Variants in LYG2 observed in about 807,000 individuals in gnomAD.
LYG2 encodes the protein lysozyme g-like protein 2.
LYG2 carries 25 observed loss-of-function variants against 22.4 expected under a neutral mutation model. The ratio of observed to expected loss-of-function variants is 1.12; its 90% confidence interval spans 0.81 to 1.56. The LOEUF is 1.56. Ranked by LOEUF, LYG2 falls within the 40% of genes most tolerant of loss-of-function variation. The pLI is 0.00. For synonymous variants in LYG2, 88 were observed against 97.0 expected (o/e 0.91, Z 0.55); for missense variants, 266 against 269.5 (o/e 0.99, Z 0.09).
chr2:99,247,697 A>G (rs2094018678), intron 3 of LYG2, among the ~76,000 whole-genome samples: 1 of 152,150 alleles, frequency 6.6e-6, no homozygotes, highest in South Asian at 2.1e-4. Context: ...ATCTAGATTA[A>G]CAATTTGCCT....
At chr2:99,249,401 C>T (rs894397681) in intron 3 of LYG2, among the ~76,000 whole-genome samples, 3 of 133,200 alleles carry the variant, frequency 2.3e-5, no homozygotes, top group Non-Finnish European at 4.8e-5. Context: ...GCCTGGGCAA[C>T]AGAACAAGAC....
intron 6 of LYG2, chr2:99,243,617 C>T (rs2094010465): frequency 1.1e-6 from 1 of 950,560 alleles, no homozygotes; most frequent in Non-Finnish European, 1.5e-6. Context: ...CTCACTGCAG[C>T]CTTAACCTCC....
chr2:99,244,061 G>C lies in LYG2; in HGVS notation c.458C>G (p.Thr153Arg). 1.2e-6 allele frequency: 2 copies of C among 1,614,060 alleles called. No homozygotes were observed. Residue 153 changes from threonine (T) to arginine (R), a missense_variant, in exon 6 of 7, where the codon ACA becomes AGA. By Grantham distance (71) the Thr-to-Arg change is moderately conservative (BLOSUM62 -1). Transcript: ENST00000333017. Reference protein sequence around the residue: ...EHLSQATGILTERIKAIQKKF... With the variant: ...EHLSQATGILRERIKAIQKKF... ...TTTCTGGATTGCCTTAATTCTCTCT[G>C]TTAGAATCCCAGTAGCCTGTGAAAG... is the stretch of plus-strand genomic sequence containing the variant.
chr2:99,246,665 C>G lies in LYG2; in HGVS notation c.184+15G>C. 1 of 1,604,084 alleles carries G rather than the reference C, an allele frequency of 6.2e-7. No individual in the cohort carries two copies. The highest frequency in any genetic ancestry group is 1.1e-5 in the South Asian group (1 of 88,288). ...GAAAGGGGGAAGCCAGTCATTTGCTCTGCTTTTCACTTACCGCAGTTCATC... is the reference window on the plus strand; with the variant it reads ...GAAAGGGGGAAGCCAGTCATTTGCTGTGCTTTTCACTTACCGCAGTTCATC... On this transcript the variant is annotated intron_variant, in intron 4 of 6. Coordinates refer to ENST00000333017, the MANE Select transcript of LYG2 (RefSeq NM_175735.4).
At chr2:99,261,516 C>T in the LYG2 span, among the ~76,000 whole-genome samples, 3 of 152,182 alleles carry the variant, frequency 2.0e-5, no homozygotes, top group African/African-American at 7.2e-5. Context: ...GTGGACCTCT[C>T]CAACTCATTC....
chr2:99,244,767 A>G (rs1401989915), intron 5 of LYG2, among the ~76,000 whole-genome samples: 1 of 152,204 alleles, frequency 6.6e-6, no homozygotes, highest in Non-Finnish European at 1.5e-5. Context: ...CTAATAATGA[A>G]TAAGCCTTGA....
rs2094016686 is a variant in LYG2 at position 99,246,760 on chromosome 2, A to C, written c.104T>G (p.Leu35Arg). ...HSMKPHLHPR[L>R]YHGCYGDIMT... ...GATGTCCCCATAGCAGCCGTGGTAC[A>C]GGCGTGGATGTAGGTGAGGCTTCAT... is the stretch of plus-strand genomic sequence containing the variant. The change falls in exon 4 of 7, where the codon CTG becomes CGG. Residue 35 changes from leucine (L) to arginine (R), a missense_variant. Coordinates refer to ENST00000333017, the MANE Select transcript of LYG2 (RefSeq NM_175735.4). 2 of 1,614,044 alleles carry C rather than the reference A, an allele frequency of 1.2e-6. No homozygotes were observed. Among genetic ancestry groups the C allele is most frequent in the Admixed American group, 3.3e-5 (2 of 59,994 alleles).
intron 3 of LYG2, among the ~76,000 whole-genome samples, chr2:99,249,664 G>A (rs1189891043): frequency 6.7e-6 from 1 of 149,326 alleles, no homozygotes; most frequent in Non-Finnish European, 1.5e-5. Flanking sequence ...GGGAGGCTGA[G>A]GCAGAAGAAT....
intron 4 of LYG2, among the ~76,000 whole-genome samples, chr2:99,245,796 A>G (rs2094015130): frequency 6.6e-6 from 1 of 152,030 alleles, no homozygotes; most frequent in Non-Finnish European, 1.5e-5. Context: ...ACAGATCCAC[A>G]ACCCCCAACA....
In LYG2 at chr2:99,250,274, A is replaced by G. The variant is rs200307880; in HGVS notation, c.44-3454T>C. On this transcript the variant is annotated intron_variant, in intron 3 of 6. Coordinates refer to ENST00000333017, the MANE Select transcript of LYG2 (RefSeq NM_175735.4). The stretch of plus-strand genomic sequence containing the variant: ...GAATATATAGCGAGTTTATAGACAA[A>G]AAAAGAAAATAGTCCTTAAACATAT... Among the ~76,000 whole-genome samples the G allele has an allele frequency of 1.4e-4, 21 of 152,336 alleles. No homozygotes were observed. The East Asian group carries it at 3.3e-3, about 24-fold the overall frequency.
At chr2:99,253,048 CAAAAAA>C (rs35859472) in intron 3 of LYG2, among the ~76,000 whole-genome samples, 1 of 67,282 alleles carries the variant, frequency 1.5e-5, no homozygotes, top group South Asian at 6.2e-4. Context: ...GACTCTGTCT[CAAAAAA>C]AAAAAAAAAA....
intron 3 of LYG2, among the ~76,000 whole-genome samples, chr2:99,247,550 C>T (rs544539588): frequency 3.3e-5 from 5 of 151,946 alleles, no homozygotes; most frequent in Middle Eastern, 3.4e-3. Context: ...ATAGTGAACA[C>T]AGTACCTGAT....
At chr2:99,242,642 A>G (rs556412738) in intron 6 of LYG2, among the ~76,000 whole-genome samples, 160 bp from the exon 7 acceptor site, 1 of 152,302 alleles carries the variant, frequency 6.6e-6, no homozygotes, top group East Asian at 1.9e-4. Context: ...TGCTATCCCA[A>G]GAATCACTGG....
intron 1 of LYG2, 181 bp downstream of exon 1, chr2:99,255,415 TTAACCAC>T: frequency 6.6e-6 from 1 of 152,190 alleles, no homozygotes. Context: ...AAAGGGCTTA[TTAACCAC>T]TATTAATTAA....
intron 5 of LYG2, 46 bp from the exon 6 acceptor site, chr2:99,244,183 AT>A (rs1412946371): frequency 3.2e-6 from 5 of 1,580,256 alleles, no homozygotes; most frequent in South Asian, 1.2e-5. Context: ...GAGGTAACAC[AT>A]TTTTTCTGCC....
At position 99,245,462 on chromosome 2, in the gene LYG2, C is replaced by T. The variant is rs548893687; in HGVS notation, c.185-4G>A. The T allele has an allele frequency of 3.9e-5, 62 of 1,575,286 alleles. No homozygotes were observed. The highest frequency in any genetic ancestry group is 3.4e-4 in the Middle Eastern group (2 of 5,910). Reference sequence around the variant, plus strand: ...AACATTTCAGAACCACGGATCCCTACGTCAATAGAAAAGAAACTGTTTTTC... The same window carrying T: ...AACATTTCAGAACCACGGATCCCTATGTCAATAGAAAAGAAACTGTTTTTC... On this transcript the variant is annotated splice_polypyrimidine_tract_variant and splice_region_variant and intron_variant, in intron 4 of 6. Transcript: ENST00000333017.
chr2:99,249,227 C>T (rs1041225767), intron 3 of LYG2, among the ~76,000 whole-genome samples: 1 of 151,934 alleles, frequency 6.6e-6, no homozygotes, highest in Non-Finnish European at 1.5e-5. Flanking sequence ...TTGAGACCAG[C>T]CTATGCAACA....
chr2:99,242,549 C>A (rs2094008373), intron 6 of LYG2, 67 bp from the exon 7 acceptor site: 1 of 1,077,412 alleles, frequency 9.3e-7, no homozygotes, highest in Non-Finnish European at 1.4e-6. Flanking sequence ...ATGAGCATTG[C>A]CAAGATGTTA....
chr2:99,246,655 G>A (rs749152526), intron 4 of LYG2, 25 bp downstream of exon 4: 1 of 1,601,336 alleles, frequency 6.2e-7, no homozygotes, highest in Non-Finnish European at 8.5e-7. Flanking sequence ...GGGGAAGCCA[G>A]TCATTTGCTC....
Sources: gnomAD v4.1 joint callset for allele counts (sites outside exome capture counted in the v4.1 genomes callset) on GRCh38, gnomAD v4.1.1 for gene constraint, MANE v1.5 for transcripts, NCBI Gene and HGNC (gene_info 2026-07-23, HGNC 2026-07-21) for gene names.